DNER: variants seen among roughly 807,000 people sequenced by gnomAD.
The protein encoded by DNER is delta and Notch-like epidermal growth factor-related receptor.
A neutral mutation model predicts 78.2 loss-of-function variants in DNER; 33 were observed. That is an observed-to-expected ratio of 0.42 (90% CI 0.32 to 0.56). The LOEUF is 0.56. Ranked by LOEUF, DNER falls within the 20% of genes least tolerant of loss-of-function variation. The pLI is 0.11. For missense variants in DNER, 918 were observed against 975.3 expected (o/e 0.94, Z 0.78); for synonymous variants, 417 against 384.8 (o/e 1.08, Z -0.98).
At chr2:229,618,769 T>C (rs1419457371) in intron 1 of DNER, among the ~76,000 whole-genome samples, 2 of 152,204 alleles carry the variant, frequency 1.3e-5, no homozygotes, top group African/African-American at 4.8e-5. Context: ...ATAAGCTAAA[T>C]AAAATGATAT....
chr2:229,593,819 C>A (rs1697655090), intron 1 of DNER, among the ~76,000 whole-genome samples: 1 of 152,200 alleles, frequency 6.6e-6, no homozygotes, highest in Non-Finnish European at 1.5e-5. Context: ...CTTCTGAAAT[C>A]AACTTTTAAA....
chr2:229,648,953 T>C (rs954078158), intron 1 of DNER, among the ~76,000 whole-genome samples: 2 of 152,240 alleles, frequency 1.3e-5, no homozygotes, highest in African/African-American at 4.8e-5. Flanking sequence ...CAGTAGGTTT[T>C]TTCCTACCGA....
At chr2:229,367,152 G>T in intron 11 of DNER, 33 bp from the exon 12 acceptor site, 1 of 1,612,910 alleles carries the variant, frequency 6.2e-7, no homozygotes, top group South Asian at 1.1e-5. Context: ...GGCTGGGTAT[G>T]AGTTGTCACC....
chr2:229,513,938 C>T (rs1410723789), intron 5 of DNER, among the ~76,000 whole-genome samples: 1 of 147,508 alleles, frequency 6.8e-6, no homozygotes, highest in Non-Finnish European at 1.5e-5. Flanking sequence ...GAAAGAGACT[C>T]TCTCCTCTTC....
At chr2:229,684,136 C>G (rs4446063) in intron 1 of DNER, among the ~76,000 whole-genome samples, 29,346 of 72,164 alleles carry the variant, frequency 0.41, 3,335 homozygotes, top group East Asian at 0.56. Context: ...GTGTGTGTGT[C>G]TGTGTATGTG....
At chr2:229,703,431 T>C (rs1195936607) in intron 1 of DNER, among the ~76,000 whole-genome samples, 4 of 152,156 alleles carry the variant, frequency 2.6e-5, no homozygotes, top group Non-Finnish European at 5.9e-5. Context: ...TGTCAAACCT[T>C]AAATGATACA....
intron 1 of DNER, among the ~76,000 whole-genome samples, chr2:229,666,942 C>A (rs1450467892): frequency 1.3e-5 from 2 of 152,194 alleles, no homozygotes; most frequent in East Asian, 1.9e-4. Context: ...TGGAAACTAA[C>A]CAAATCCTGT....
chr2:229,412,984 C>A (rs1693555918), intron 9 of DNER, among the ~76,000 whole-genome samples: 2 of 152,138 alleles, frequency 1.3e-5, no homozygotes, highest in African/African-American at 4.8e-5. Context: ...GGACTTTAAG[C>A]ACAGCAGGGA....
chr2:229,699,508 C>A (rs28545672), intron 1 of DNER, among the ~76,000 whole-genome samples: 2 of 151,944 alleles, frequency 1.3e-5, no homozygotes, highest in African/African-American at 2.4e-5. Context: ...TGGGACTATA[C>A]GCATGCACTG....
chr2:229,430,603 G>C (rs1693982606), intron 8 of DNER, among the ~76,000 whole-genome samples: 2 of 151,880 alleles, frequency 1.3e-5, no homozygotes, highest in African/African-American at 4.8e-5. Context: ...CTTCAGTTTT[G>C]GAACTCGGAC....
chr2:229,544,438 G>A (rs1226545459), intron 5 of DNER, among the ~76,000 whole-genome samples: 2 of 151,946 alleles, frequency 1.3e-5, no homozygotes, highest in Admixed American at 6.6e-5. Context: ...CTATGCTTTC[G>A]GGTTCCTGAC....
intron 1 of DNER, among the ~76,000 whole-genome samples, chr2:229,617,165 T>C (rs950886525): frequency 1.3e-5 from 2 of 152,206 alleles, no homozygotes; most frequent in Non-Finnish European, 2.9e-5. Flanking sequence ...ATGGAGAGTA[T>C]GGTAACTAAA....
intron 1 of DNER, among the ~76,000 whole-genome samples, chr2:229,638,334 C>T (rs1339042212): frequency 6.6e-6 from 1 of 152,048 alleles, no homozygotes; most frequent in African/African-American, 2.4e-5. Flanking sequence ...TACAGATTAC[C>T]TATAGTAATC....
At chr2:229,489,221 G>C (rs1485396671) in intron 6 of DNER, among the ~76,000 whole-genome samples, 1 of 152,226 alleles carries the variant, frequency 6.6e-6, no homozygotes, top group Non-Finnish European at 1.5e-5. Context: ...CAATCACCCA[G>C]GCGGCAGATG....
At chr2:229,656,754 T>C (rs999001485) in intron 1 of DNER, among the ~76,000 whole-genome samples, 20 of 152,190 alleles carry the variant, frequency 1.3e-4, no homozygotes, top group Admixed American at 1.0e-3. Context: ...AAATGTGTTT[T>C]TGAGAGATTT....
chr2:229,510,349 G>A (rs1209168062), intron 6 of DNER, among the ~76,000 whole-genome samples: 1 of 152,222 alleles, frequency 6.6e-6, no homozygotes, highest in Non-Finnish European at 1.5e-5. Context: ...TGGAGGGTCC[G>A]GGCATGGATG....
intron 4 of DNER, among the ~76,000 whole-genome samples, chr2:229,551,629 C>T (rs1311845920): frequency 1.3e-5 from 2 of 150,292 alleles, no homozygotes; most frequent in African/African-American, 4.9e-5. Context: ...AGTGAAACCC[C>T]GTTTAAAAAA....
intron 7 of DNER, among the ~76,000 whole-genome samples, chr2:229,462,048 A>G (rs1295317067): frequency 6.6e-6 from 1 of 152,142 alleles, no homozygotes; most frequent in Non-Finnish European, 1.5e-5. Context: ...CTGAAGAGGA[A>G]TGCAAATAAA....
At chr2:229,586,796 C>T (rs1399096766) in intron 3 of DNER, 1 of 985,958 alleles carries the variant, frequency 1.0e-6, no homozygotes. Context: ...CCAACAGCTG[C>T]CCATTCTCCC....
Sources: allele counts gnomAD v4.1 joint callset (sites outside exome capture counted in the v4.1 genomes callset), GRCh38; gene constraint gnomAD v4.1.1; transcripts MANE v1.5; gene names NCBI Gene and HGNC (gene_info 2026-07-23, HGNC 2026-07-21).